GMFB: variants seen among roughly 807,000 people sequenced by gnomAD.
The protein encoded by GMFB is GMF-beta.
In GMFB, 13 loss-of-function variants were observed where a neutral mutation model predicts 25.6. The ratio of observed to expected loss-of-function variants is 0.51; its 90% CI spans 0.33 to 0.81. GMFB has a LOEUF of 0.81. Among genes scored for constraint, GMFB ranks in the 30% least tolerant of loss-of-function variants. The pLI, the probability that GMFB is intolerant of heterozygous loss-of-function variation, is 0.02. For missense variants in GMFB, 146 were observed against 175.4 expected (o/e 0.83, Z 0.95); for synonymous variants, 57 against 56.9 (o/e 1.00, Z 0.00).
At chr14:54,481,371 A>T in intron 4 of GMFB, 38 bp downstream of exon 4, 1 of 1,409,744 alleles carries the variant, frequency 7.1e-7, no homozygotes, top group Admixed American at 1.7e-5. Flanking sequence ...CTGACCACTA[A>T]AGAAAATAAA....
chr14:54,482,676 G>A (rs377146229), intron 2 of GMFB, among the ~76,000 whole-genome samples: 44 of 152,228 alleles, frequency 2.9e-4, no homozygotes, highest in African/African-American at 1.0e-3. Context: ...CTAAGAAAGT[G>A]AATAACCAAA....
At chr14:54,480,213 G>A (rs2031692472) in intron 5 of GMFB, 1 of 192,568 alleles carries the variant, frequency 5.2e-6, no homozygotes, top group South Asian at 9.9e-5. Flanking sequence ...AAGGTTTTGG[G>A]ATGGTAGTGG....
chr14:54,475,077 A>G lies in GMFB; in HGVS notation c.*3011T>C, dbSNP rs766036499. On this transcript the variant is annotated 3_prime_UTR_variant, in exon 7 of 7. Transcript: ENST00000358056. ...AACCATAGTAAGAATACTTGAATTG[A>G]TAGAATATGAGTTACTCTCTACTTC... The G allele has an allele frequency of 6.5e-6, 1 of 152,736 alleles. No homozygotes were observed. The highest frequency in any genetic ancestry group is 1.9e-4 in the East Asian group (1 of 5,192). The allele number at this position is 152,736 out of a possible 1,614,324, so 9.5% of individuals were successfully genotyped here. A position where few individuals can be genotyped will look rare whatever the true frequency, so the allele number is the denominator to read the frequency against.
chr14:54,477,247 T>C lies in GMFB; in HGVS notation c.*841A>G, dbSNP rs2031652670. 6.6e-6 allele frequency: 1 copy of C among 152,502 alleles called. No individual in the cohort carries two copies. The highest frequency in any genetic ancestry group is 2.4e-5 in the African/African-American group (1 of 41,454). The allele number at this position is 152,502 out of a possible 1,614,324, so 9.4% of individuals were successfully genotyped here. ...ATTAATTTCACCAAATGTGGAATACTGGCAGTGTAAAAGTCTTAAACTAAC... is the reference window on the plus strand; with the variant it reads ...ATTAATTTCACCAAATGTGGAATACCGGCAGTGTAAAAGTCTTAAACTAAC... On this transcript the variant is annotated 3_prime_UTR_variant, in exon 7 of 7. Coordinates refer to ENST00000358056, the MANE Select transcript of GMFB (RefSeq NM_004124.3).
At chr14:54,482,056 T>C (rs1370240419) in intron 3 of GMFB, 97 bp downstream of exon 3, 26 of 770,200 alleles carry the variant, frequency 3.4e-5, no homozygotes, top group Non-Finnish European at 5.5e-5. Context: ...TAAAGGAGGT[T>C]CAAGATTCGT....
rs2031702770 is a variant in GMFB at position 54,480,925 on chromosome 14, C to G, written c.232G>C (p.Asp78His). The G allele has an allele frequency of 7.2e-6, 11 of 1,533,182 alleles. No homozygotes were observed. The East Asian group carries it at 2.3e-4, about 32-fold the overall frequency. The allele number at this position is 1,533,182 out of a possible 1,614,324, so 95.0% of individuals were successfully genotyped here. ...AGAGGATATGAAACTCTTCCATCAT[C>G]ATGTTGATATTTATAACTATACACA... ...FIVYSYKYQH[D>H]DGRVSYPLCF... The change falls in exon 5 of 7, where the codon GAT (aspartate) becomes CAT (histidine). Residue 78 changes from aspartate (D) to histidine (H), a missense_variant. Transcript: ENST00000358056.
intron 3 of GMFB, 68 bp from the exon 4 acceptor site, chr14:54,481,526 G>T: frequency 1.1e-6 from 1 of 950,366 alleles, no homozygotes; most frequent in Non-Finnish European, 1.7e-6. Context: ...GATACACCAA[G>T]CACCCATTCT....
intron 2 of GMFB, among the ~76,000 whole-genome samples, chr14:54,482,937 A>C (rs2031732135): frequency 6.6e-6 from 1 of 152,034 alleles, no homozygotes; most frequent in Non-Finnish European, 1.5e-5. Context: ...ATATGTCGAC[A>C]TTGCAGTATT....
intron 1 of GMFB, among the ~76,000 whole-genome samples, chr14:54,485,300 T>C (rs2031766927): frequency 6.6e-6 from 1 of 151,526 alleles, no homozygotes; most frequent in Non-Finnish European, 1.5e-5. Context: ...AAAAAAAAAC[T>C]ATTAGAACTG....
intron 3 of GMFB, 113 bp downstream of exon 3, chr14:54,482,040 T>C: frequency 1.5e-6 from 1 of 686,486 alleles, no homozygotes; most frequent in Admixed American, 2.3e-5. Flanking sequence ...ATAATGAGCA[T>C]GTATTTAAAG....
At chr14:54,482,262 C>T in intron 2 of GMFB, 60 bp from the exon 3 acceptor site, 2 of 1,033,444 alleles carry the variant, frequency 1.9e-6, no homozygotes, top group Non-Finnish European at 3.0e-6. Context: ...ATCTGCCCAA[C>T]CCACACAATC....
chr14:54,481,289 A>T, intron 4 of GMFB, 120 bp downstream of exon 4: 1 of 719,686 alleles, frequency 1.4e-6, no homozygotes, highest in African/African-American at 1.8e-5. Flanking sequence ...ATGCACACAT[A>T]TTTTAATTTG....
rs761240258 is a variant in GMFB at position 54,483,762 on chromosome 14, C to T, written c.9G>A (p.Glu3=). ...CGGCAACATCACAAACAACCAAAGACTCACTCTATAAAAGAAAAAAAACAC... is the reference window on the plus strand; with the variant it reads ...CGGCAACATCACAAACAACCAAAGATTCACTCTATAAAAGAAAAAAAACAC... The part of the protein sequence containing the change: MS[E]SLVVCDVAED... Residue 3 remains glutamate, a synonymous_variant, in exon 2 of 7, where the codon GAG becomes GAA. Transcript: ENST00000358056. 8 of 1,589,420 alleles carry T rather than the reference C, an allele frequency of 5.0e-6. No homozygotes were observed. Among genetic ancestry groups the T allele is most frequent in the Non-Finnish European group, 6.9e-6 (8 of 1,159,192 alleles).
At position 54,486,418 on chromosome 14, in the gene GMFB, A is replaced by G. The variant is rs367689039; in HGVS notation, c.3+2507T>C. Among the ~76,000 whole-genome samples, 154 of 152,328 alleles carry G rather than the reference A, an allele frequency of 1.0e-3. 6 individuals are homozygous for G. The South Asian group carries it at 0.028, about 28-fold the overall frequency. On this transcript the variant is annotated intron_variant, in intron 1 of 6. Transcript: ENST00000358056. ...ATTGGTCTGGGCAAAGATTTTTTTG[A>G]GTAAGACCTCAAAAGCACAGACAAC...
Position 54,475,232 on chromosome 14 carries a change from T to C in GMFB, c.*2856A>G, listed in dbSNP as rs1403052970. On this transcript the variant is annotated 3_prime_UTR_variant, in exon 7 of 7. Transcript: ENST00000358056. ...TTAAGTACACCTTCCTTAATATCTA[T>C]ATGGGTTGGGGGGAACAGCCAAATT... 3 of 152,526 alleles carry C rather than the reference T, an allele frequency of 2.0e-5. No homozygotes were observed. The highest frequency in any genetic ancestry group is 4.4e-5 in the Non-Finnish European group (3 of 67,974). 9.4% of individuals were successfully genotyped at this position (152,526 alleles called of 1,614,324 possible). A position where few individuals can be genotyped will look rare whatever the true frequency, so the allele number is the denominator to read the frequency against.
At position 54,488,977 on chromosome 14, in the gene GMFB, G is replaced by A; in HGVS notation, c.-50C>T. 1 of 1,504,410 alleles carries A rather than the reference G, an allele frequency of 6.6e-7. No homozygotes were observed. Among genetic ancestry groups the A allele is most frequent in the South Asian group, 1.2e-5 (1 of 80,018 alleles). 93.2% of individuals were successfully genotyped at this position (1,504,410 alleles called of 1,614,324 possible). On this transcript the variant is annotated 5_prime_UTR_variant, in exon 1 of 7. Transcript: ENST00000358056. Reference sequence around the variant, plus strand: ...GTCGCCTACACTCGGGCGCCTTTAAGAATGGCACGGCGGCCGCCTCCCTTC... The same window carrying A: ...GTCGCCTACACTCGGGCGCCTTTAAAAATGGCACGGCGGCCGCCTCCCTTC...
rs2031712350 is a variant in GMFB, at chr14:54,481,604, A to C, written c.151-146T>G. 5 of 615,122 alleles carry C rather than the reference A, an allele frequency of 8.1e-6. No homozygotes were observed. In the East Asian group the frequency reaches 1.4e-4, roughly 17 times the overall value. 38.1% of individuals were successfully genotyped at this position (615,122 alleles called of 1,614,324 possible). A position where few individuals can be genotyped will look rare whatever the true frequency, so the allele number is the denominator to read the frequency against. On this transcript the variant is annotated intron_variant, in intron 3 of 6. Transcript: ENST00000358056. Reference sequence around the variant, plus strand: ...TTTTATCTTACTAAATTATACATAAACTCAGGTTACTAAATTCTCAATCCA... The same window carrying C: ...TTTTATCTTACTAAATTATACATAACCTCAGGTTACTAAATTCTCAATCCA...
intron 2 of GMFB, 62 bp from the exon 3 acceptor site, chr14:54,482,264 C>T: frequency 1.0e-6 from 1 of 1,001,334 alleles, no homozygotes; most frequent in Non-Finnish European, 1.6e-6. Flanking sequence ...CTGCCCAACC[C>T]ACACAATCTC....
chr14:54,479,768 G>C lies in GMFB; in HGVS notation c.357+18C>G, dbSNP rs377694702. 5 of 1,459,848 alleles carry C rather than the reference G, an allele frequency of 3.4e-6. No homozygotes were observed. In the African/African-American group the frequency reaches 7.0e-5, roughly 20 times the overall value. The allele number at this position is 1,459,848 out of a possible 1,614,324, so 90.4% of individuals were successfully genotyped here. A position where few individuals can be genotyped will look rare whatever the true frequency, so the allele number is the denominator to read the frequency against. ...AGGAAAATATTGTCTCAACAAGTCA[G>C]TCAAATATAAATACCACCTTGGTTA... On this transcript the variant is annotated intron_variant, in intron 6 of 6. Transcript: ENST00000358056.
Sources: allele counts gnomAD v4.1 joint callset (sites outside exome capture counted in the v4.1 genomes callset), GRCh38; gene constraint gnomAD v4.1.1; transcripts MANE v1.5; gene names NCBI Gene and HGNC (gene_info 2026-07-23, HGNC 2026-07-21).